DPP10: variants seen among roughly 807,000 people sequenced by gnomAD.
The protein encoded by DPP10 is inactive dipeptidyl peptidase 10.
Under a neutral mutation model 120.9 loss-of-function variants are expected in DPP10, and 33 were observed. The observed-to-expected ratio is 0.27, with a 90% CI of 0.21 to 0.37. The LOEUF (loss-of-function observed/expected upper bound fraction) is 0.37, where lower values mean the gene tolerates loss of function less well. Ranked by LOEUF, DPP10 falls within the 10% of genes least tolerant of loss-of-function variation. DPP10 has a pLI of 1.00. For synonymous variants in DPP10, 337 were observed against 326.1 expected (o/e 1.03, Z -0.36); for missense variants, 816 against 942.8 (o/e 0.87, Z 1.76).
intron 10 of DPP10, chr2:115,750,101 C>T (rs1364150792): frequency 2.0e-6 from 2 of 985,198 alleles, no homozygotes; most frequent in South Asian, 4.7e-5. Flanking sequence ...GGCCACTGGT[C>T]GTGGAACACC....
intron 1 of DPP10, among the ~76,000 whole-genome samples, chr2:114,946,289 T>A (rs1697341608): frequency 6.6e-6 from 1 of 152,220 alleles, no homozygotes; most frequent in South Asian, 2.1e-4. Flanking sequence ...GGGAATTCTA[T>A]ATAGTATCTT....
chr2:114,719,829 C>A (rs1701592123), intron 1 of DPP10, among the ~76,000 whole-genome samples: 1 of 152,086 alleles, frequency 6.6e-6, no homozygotes, highest in African/African-American at 2.4e-5. Context: ...AAGTGAAGAT[C>A]ATTTAAAGGG....
chr2:115,754,903 T>A (rs1222545132), intron 11 of DPP10, among the ~76,000 whole-genome samples: 1 of 152,132 alleles, frequency 6.6e-6, no homozygotes, highest in Non-Finnish European at 1.5e-5. Context: ...AAATATCACA[T>A]GTACTCCAAA....
intron 1 of DPP10, among the ~76,000 whole-genome samples, chr2:115,020,776 C>A (rs932127484): frequency 3.9e-5 from 6 of 152,038 alleles, no homozygotes; most frequent in African/African-American, 1.2e-4. Context: ...GACCACAAAG[C>A]AAGTCACAGT....
intron 2 of DPP10, among the ~76,000 whole-genome samples, chr2:115,316,136 C>CT (rs2061780406): frequency 6.6e-6 from 1 of 152,084 alleles, no homozygotes; most frequent in African/African-American, 2.4e-5. Flanking sequence ...GTACTAAGTG[C>CT]TTTACATGTA....
intron 1 of DPP10, among the ~76,000 whole-genome samples, chr2:114,511,495 T>C (rs1684144193): frequency 6.6e-6 from 1 of 152,220 alleles, no homozygotes; most frequent in Admixed American, 6.5e-5. Context: ...GTGGCTATTT[T>C]TGAACACCAT....
Position 114,707,356 on chromosome 2 carries a change from A to T in DPP10, c.60+264518A>T, listed in dbSNP as rs74789433. Among the ~76,000 whole-genome samples the T allele has an allele frequency of 1.8e-3, 273 of 152,334 alleles. 1 individual carries two copies. The highest frequency in any genetic ancestry group is 5.8e-3 in the African/African-American group (241 of 41,576). Reference sequence around the variant, plus strand: ...GGTAATCTAATCAGATATAAGAAGCATTTAGATAACCAAATTTCAAATTAT... The same window carrying T: ...GGTAATCTAATCAGATATAAGAAGCTTTTAGATAACCAAATTTCAAATTAT... On this transcript the variant is annotated intron_variant, in intron 1 of 25. Transcript: ENST00000410059.
chr2:115,095,574 G>T (rs10644159), intron 1 of DPP10, among the ~76,000 whole-genome samples: 30,623 of 137,710 alleles, frequency 0.22, 3,888 homozygotes, highest in East Asian at 0.39. Flanking sequence ...ATTCTGTTTG[G>T]TTTTTTTTTT....
chr2:114,561,378 C>A (rs2104944634), intron 1 of DPP10, among the ~76,000 whole-genome samples: 1 of 152,254 alleles, frequency 6.6e-6, no homozygotes, highest in South Asian at 2.1e-4. Flanking sequence ...ATAGAGCACA[C>A]ATGCACACAC....
At chr2:115,523,396 CAAAAAAAA>C (rs67633094) in intron 4 of DPP10, among the ~76,000 whole-genome samples, 1 of 69,164 alleles carries the variant, frequency 1.4e-5, no homozygotes, top group African/African-American at 5.9e-5. Flanking sequence ...GAGAAGCTCT[CAAAAAAAA>C]AAAAAAAAAA....
intron 12 of DPP10, among the ~76,000 whole-genome samples, chr2:115,763,720 T>C (rs998554134): frequency 1.3e-5 from 2 of 152,188 alleles, no homozygotes; most frequent in Non-Finnish European, 2.9e-5. Context: ...TTTTAAAATA[T>C]GCATTTAATT....
chr2:115,434,420 A>G (rs1269029763), intron 3 of DPP10, among the ~76,000 whole-genome samples: 1 of 151,984 alleles, frequency 6.6e-6, no homozygotes, highest in Non-Finnish European at 1.5e-5. Context: ...TTGTTTCCAT[A>G]TCCTTGAGAA....
rs868021744 is a variant in DPP10, at chr2:115,067,877, A to G, written c.61-241362A>G. Reference sequence around the variant, plus strand: ...ACTCTGTCTCAAAAAAAAAAAAAAAAAAAGAAAAAAAAGAAAAATATTCCT... The same window carrying G: ...ACTCTGTCTCAAAAAAAAAAAAAAAGAAAGAAAAAAAAGAAAAATATTCCT... On this transcript the variant is annotated intron_variant, in intron 1 of 25. Transcript: ENST00000410059. 7.4e-4 allele frequency among the ~76,000 whole-genome samples: 110 copies of G among 148,642 alleles called. No individual in the cohort carries two copies. In the Middle Eastern group the frequency reaches 0.017, roughly 24 times the overall value.
intron 5 of DPP10, among the ~76,000 whole-genome samples, chr2:115,666,850 T>G (rs915264726): frequency 3.3e-5 from 5 of 152,208 alleles, no homozygotes; most frequent in Non-Finnish European, 7.3e-5. Context: ...CCACAGTGTC[T>G]GAACTCAATT....
At chr2:115,397,326 A>G (rs2067753761) in intron 3 of DPP10, among the ~76,000 whole-genome samples, 1 of 152,200 alleles carries the variant, frequency 6.6e-6, no homozygotes, top group African/African-American at 2.4e-5. Context: ...GCATTGTTAT[A>G]TTTATTTGCA....
At chr2:115,485,253 AAAAC>A (rs1234741840) in intron 3 of DPP10, among the ~76,000 whole-genome samples, 27 of 149,940 alleles carry the variant, frequency 1.8e-4, no homozygotes, top group African/African-American at 5.2e-4. Context: ...AAAAAAAAAA[AAAAC>A]AAACAAAAAC....
chr2:115,737,700 G>C (rs530125796), intron 8 of DPP10, among the ~76,000 whole-genome samples: 14 of 152,234 alleles, frequency 9.2e-5, no homozygotes, highest in African/African-American at 3.1e-4. Context: ...GCTTGCCTGG[G>C]ATATAGAACA....
chr2:115,830,490 T>G (rs932562400), intron 21 of DPP10, among the ~76,000 whole-genome samples: 9 of 152,106 alleles, frequency 5.9e-5, no homozygotes, highest in African/African-American at 1.9e-4. Context: ...ACAAACATTA[T>G]TGAATGTACA....
rs374959351 is a variant in DPP10 at position 115,361,434 on chromosome 2, G to A, written c.271+17522G>A. Among the ~76,000 whole-genome samples, 10 of 152,146 alleles carry A rather than the reference G, an allele frequency of 6.6e-5. No homozygotes were observed. In the East Asian group the frequency reaches 1.6e-3, roughly 24 times the overall value. ...TTGTCGGCATGCTCTTGATGGAGTG[G>A]TCAGGCAGGGGCTTTGAGGGTGGTC... On this transcript the variant is annotated intron_variant, in intron 3 of 25. Coordinates refer to ENST00000410059, the MANE Select transcript of DPP10 (RefSeq NM_020868.6).
Sources: gnomAD v4.1 joint callset for allele counts (sites outside exome capture counted in the v4.1 genomes callset) on GRCh38, gnomAD v4.1.1 for gene constraint, MANE v1.5 for transcripts, NCBI Gene and HGNC (gene_info 2026-07-23, HGNC 2026-07-21) for gene names.